Variants in AGBL4 observed in about 807,000 individuals in gnomAD.
AGBL4 encodes AGBL carboxypeptidase 4, also known as cytosolic carboxypeptidase 6.
In AGBL4, 58 loss-of-function variants were observed where a neutral mutation model predicts 66.4. The ratio of observed to expected loss-of-function variants is 0.87; its 90% CI spans 0.71 to 1.09. The LOEUF (loss-of-function observed/expected upper bound fraction) is 1.09, where lower values mean the gene tolerates loss of function less well. AGBL4 is among the 50% of genes least tolerant of loss of function. The pLI is 0.00. For synonymous variants in AGBL4, 234 were observed against 222.9 expected, an observed-to-expected ratio of 1.05 and a Z score of -0.44; for missense variants, 579 against 631.0, an observed-to-expected ratio of 0.92 and a Z score of 0.88.
chr1:49,717,111 C>G (rs1371331893), intron 2 of AGBL4, among the ~76,000 whole-genome samples: 8 of 152,120 alleles, frequency 5.3e-5, no homozygotes, highest in African/African-American at 1.9e-4. Context: ...GCAAAAATCA[C>G]AAGCATTCCT....
intron 4 of AGBL4, among the ~76,000 whole-genome samples, chr1:49,147,918 A>G (rs1646250975): frequency 6.6e-6 from 1 of 152,034 alleles, no homozygotes; most frequent in African/African-American, 2.4e-5. Context: ...GTATCTCCCT[A>G]TGCACTATCC....
At chr1:49,346,885 C>T (rs1434332851) in intron 3 of AGBL4, among the ~76,000 whole-genome samples, 1 of 152,168 alleles carries the variant, frequency 6.6e-6, no homozygotes, top group Non-Finnish European at 1.5e-5. Context: ...ACCTGCTGGA[C>T]TGCATTTCCA....
At chr1:48,953,523 C>A (rs1462631620) in intron 5 of AGBL4, among the ~76,000 whole-genome samples, 1 of 152,122 alleles carries the variant, frequency 6.6e-6, no homozygotes, top group Non-Finnish European at 1.5e-5. Context: ...TTTTTAACTT[C>A]TATCTTGATG....
At chr1:49,378,434 G>A (rs974867216) in intron 3 of AGBL4, among the ~76,000 whole-genome samples, 5 of 152,030 alleles carry the variant, frequency 3.3e-5, no homozygotes, top group African/African-American at 1.2e-4. Context: ...ACCTAACACT[G>A]TTGAGGAGAT....
intron 6 of AGBL4, among the ~76,000 whole-genome samples, chr1:48,864,067 C>T (rs7551582): frequency 0.89 from 135,292 of 152,144 alleles, 60,746 homozygotes; most frequent in Non-Finnish European, 0.96. Flanking sequence ...AGTACTGATA[C>T]TCAGAACAAT....
intron 11 of AGBL4, among the ~76,000 whole-genome samples, chr1:48,557,134 A>G (rs117907123): frequency 6.6e-6 from 1 of 152,302 alleles, no homozygotes; most frequent in East Asian, 1.9e-4. Flanking sequence ...TGTGATTGCA[A>G]CAATGATGTC....
At chr1:49,496,002 G>T (rs1647524673) in intron 3 of AGBL4, among the ~76,000 whole-genome samples, 1 of 152,036 alleles carries the variant, frequency 6.6e-6, no homozygotes, top group South Asian at 2.1e-4. Flanking sequence ...CTGGAGGGAA[G>T]AATTAGTGTG....
intron 2 of AGBL4, among the ~76,000 whole-genome samples, chr1:49,711,581 A>G (rs1316145907): frequency 6.6e-6 from 1 of 152,072 alleles, no homozygotes; most frequent in African/African-American, 2.4e-5. Context: ...AAAGGGGGAT[A>G]TATTATGAAG....
chr1:49,120,191 T>C (rs567215183), intron 4 of AGBL4, among the ~76,000 whole-genome samples: 1 of 152,316 alleles, frequency 6.6e-6, no homozygotes, highest in African/African-American at 2.4e-5. Context: ...AAGGTTAATA[T>C]TGTTATGTAT....
intron 5 of AGBL4, among the ~76,000 whole-genome samples, chr1:48,949,800 G>A (rs557206793): frequency 7.2e-5 from 11 of 152,310 alleles, no homozygotes; most frequent in South Asian, 2.1e-4. Flanking sequence ...TGGAGGTACC[G>A]GGGAAGAAGA....
At chr1:48,619,301 G>A (rs1645370517) in intron 9 of AGBL4, among the ~76,000 whole-genome samples, 1 of 152,218 alleles carries the variant, frequency 6.6e-6, no homozygotes, top group South Asian at 2.1e-4. Flanking sequence ...CACATTTGAG[G>A]AGAGAAAACA....
At chr1:49,522,042 A>G (rs182006967) in intron 3 of AGBL4, among the ~76,000 whole-genome samples, 278 of 152,250 alleles carry the variant, frequency 1.8e-3, no homozygotes, top group Middle Eastern at 3.4e-3. Context: ...AAACCTACAC[A>G]TGTACCCTCT....
At chr1:49,129,143 C>A (rs533322070) in intron 4 of AGBL4, among the ~76,000 whole-genome samples, 116 of 151,834 alleles carry the variant, frequency 7.6e-4, no homozygotes, top group Admixed American at 1.8e-3. Flanking sequence ...CAAATTGAAA[C>A]AACATTGAAT....
At chr1:49,941,795 T>C (rs1027764188) in intron 1 of AGBL4, among the ~76,000 whole-genome samples, 2 of 151,828 alleles carry the variant, frequency 1.3e-5, no homozygotes, top group South Asian at 2.1e-4. Flanking sequence ...CAGAGAAAAA[T>C]TGAAAGCTTT....
chr1:49,521,386 C>A (rs1166807764), intron 3 of AGBL4, among the ~76,000 whole-genome samples: 1 of 152,054 alleles, frequency 6.6e-6, no homozygotes, highest in Non-Finnish European at 1.5e-5. Context: ...GTAACCAAAA[C>A]AGCATGGTAC....
At chr1:49,120,762 G>T (rs768816040) in intron 4 of AGBL4, among the ~76,000 whole-genome samples, 1 of 152,126 alleles carries the variant, frequency 6.6e-6, no homozygotes, top group Non-Finnish European at 1.5e-5. Flanking sequence ...GTCTTGCTAG[G>T]TTGGGGAAGT....
intron 4 of AGBL4, among the ~76,000 whole-genome samples, chr1:49,226,953 T>C (rs1649959268): frequency 6.6e-6 from 1 of 152,130 alleles, no homozygotes; most frequent in African/African-American, 2.4e-5. Context: ...TTTCCCTGCT[T>C]ATAGCTGTGT....
intron 2 of AGBL4, among the ~76,000 whole-genome samples, chr1:49,741,158 A>T (rs1464944110): frequency 1.3e-5 from 2 of 152,194 alleles, no homozygotes; most frequent in East Asian, 3.8e-4. Context: ...CGCTAGCAAG[A>T]CTAATAAAGA....
chr1:49,852,701 C>A (rs1190116770), intron 1 of AGBL4, among the ~76,000 whole-genome samples: 1 of 152,068 alleles, frequency 6.6e-6, no homozygotes, highest in African/African-American at 2.4e-5. Context: ...GAAACATTCC[C>A]AGAGAATACT....
Sources: gnomAD v4.1 joint callset for allele counts (sites outside exome capture counted in the v4.1 genomes callset) on GRCh38, gnomAD v4.1.1 for gene constraint, MANE v1.5 for transcripts, NCBI Gene and HGNC (gene_info 2026-07-23, HGNC 2026-07-21) for gene names.